The following PTER variants were observed in gnomAD, a reference collection of about 807,000 sequenced individuals.
PTER encodes the protein phosphotriesterase related.
PTER carries 38 observed loss-of-function variants against 29.6 expected under a neutral mutation model. The ratio of observed to expected loss-of-function variants is 1.28; its 90% CI spans 0.99 to 1.68. The LOEUF (loss-of-function observed/expected upper bound fraction) is 1.68. Ranked by LOEUF, PTER falls within the 40% of genes most tolerant of loss-of-function variation. PTER has a pLI of 0.00. For missense variants in PTER, 482 were observed against 427.8 expected (o/e 1.13, Z -1.12); for synonymous variants, 172 against 154.5 (o/e 1.11, Z -0.84).
Position 16,471,194 on chromosome 10 carries a change from A to G in PTER, c.-48-13143A>G, listed in dbSNP as rs555083856. The stretch of plus-strand genomic sequence containing the variant: ...AATTTGATCTGAAATATTGCGCAGG[A>G]ACAATATCAAGTCTCAGGCAAGACA... On this transcript the variant is annotated intron_variant, in intron 1 of 4. Coordinates refer to ENST00000535784, the MANE Select transcript of PTER (RefSeq NM_001261836.2). Among the ~76,000 whole-genome samples the G allele has an allele frequency of 8.5e-5, 13 of 152,346 alleles. No individual in the cohort carries two copies. In the South Asian group the frequency reaches 2.3e-3, roughly 27 times the overall value.
rs1438140833 is a variant in PTER at position 16,513,024 on chromosome 10, G to C, written c.*1768G>C. ...GAGAAAAAAGAAAAAAAAATTGATA[G>C]CTCAAATGCATGTAATTCATAAACA... On this transcript the variant is annotated 3_prime_UTR_variant, in exon 5 of 5. Transcript: ENST00000535784. 6.6e-6 allele frequency: 1 copy of C among 152,406 alleles called. No homozygotes were observed. The highest frequency in any genetic ancestry group is 1.5e-5 in the Non-Finnish European group (1 of 67,962). The allele number at this position is 152,406 out of a possible 1,614,324, so 9.4% of individuals were successfully genotyped here.
At chr10:16,444,408 AG>A (rs1384303970) in intron 1 of PTER, among the ~76,000 whole-genome samples, 1 of 149,938 alleles carries the variant, frequency 6.7e-6, no homozygotes, top group Non-Finnish European at 1.5e-5. Context: ...GCTGGATTAC[AG>A]GTGCTCAATA....
intron 1 of PTER, among the ~76,000 whole-genome samples, chr10:16,450,635 C>T (rs138575194): frequency 4.1e-4 from 62 of 152,290 alleles, no homozygotes; most frequent in African/African-American, 1.4e-3. Flanking sequence ...TGATTTTCCA[C>T]AATTTCAGCC....
intron 1 of PTER, among the ~76,000 whole-genome samples, chr10:16,476,902 T>TCTC (rs752273201): frequency 6.0e-5 from 7 of 116,236 alleles, no homozygotes; most frequent in South Asian, 2.5e-4. Flanking sequence ...CCTAGAATTC[T>TCTC]TTTTTTTTTT....
rs1378277194 is a variant in PTER at position 16,484,653 on chromosome 10, A to G, written c.269A>G (p.Asn90Ser). 1.2e-6 allele frequency: 2 copies of G among 1,614,176 alleles called. No individual in the cohort carries two copies. Among genetic ancestry groups the G allele is most frequent in the South Asian group, 2.2e-5 (2 of 91,076 alleles). ...GAAGAACTGTTGTATTTTAAAGCTAATGGTGGAGGGGCTTTGGTGGAAAAC... is the reference window on the plus strand; with the variant it reads ...GAAGAACTGTTGTATTTTAAAGCTAGTGGTGGAGGGGCTTTGGTGGAAAAC... ...IKEELLYFKANGGGALVENTT... is the reference protein window; with the variant it reads ...IKEELLYFKASGGGALVENTT... The change falls in exon 2 of 5, where the codon AAT (asparagine) becomes AGT (serine). Residue 90 changes from asparagine to serine, a missense_variant. By Grantham distance (46) the Asn-to-Ser change is conservative (BLOSUM62 1). Coordinates refer to ENST00000535784, the MANE Select transcript of PTER (RefSeq NM_001261836.2).
At chr10:16,489,689 T>C (rs1042471801) in intron 3 of PTER, among the ~76,000 whole-genome samples, 2 of 152,204 alleles carry the variant, frequency 1.3e-5, no homozygotes, top group Non-Finnish European at 2.9e-5. Flanking sequence ...CATTTTGAAA[T>C]GTACAGTTCA....
At chr10:16,451,963 T>A (rs1477031982) in intron 1 of PTER, among the ~76,000 whole-genome samples, 3 of 152,180 alleles carry the variant, frequency 2.0e-5, no homozygotes, top group Admixed American at 6.5e-5. Context: ...TTCCAGAGTG[T>A]TGGCTATGCC....
Position 16,484,415 on chromosome 10 carries a change from GT to G in PTER, c.35del (p.Leu12TrpfsTer4). On this transcript the variant is annotated frameshift_variant, in exon 2 of 5. Transcript: ENST00000535784. LOFTEE classifies it high-confidence loss of function. ...TTCCTTAAGTGGAAAAGTCCAAACC[GT>G]TTTGGGCCTTGTAGAGCCAAGCAAA... is the stretch of plus-strand genomic sequence containing the variant. MSSLSGKVQT[V>X]LGLVEPSKLG... The G allele has an allele frequency of 6.2e-7, 1 of 1,607,532 alleles. No individual in the cohort carries two copies. Among genetic ancestry groups the G allele is most frequent in the Non-Finnish European group, 8.5e-7 (1 of 1,178,390 alleles).
intron 4 of PTER, among the ~76,000 whole-genome samples, chr10:16,509,083 C>T (rs1423631102): frequency 6.6e-6 from 1 of 152,190 alleles, no homozygotes; most frequent in Non-Finnish European, 1.5e-5. Context: ...TGTTTGCAAA[C>T]ACTAACTCAT....
At position 16,512,529 on chromosome 10, in the gene PTER, TCAGACC is replaced by T. The variant is rs1836853677; in HGVS notation, c.*1277_*1282del. On this transcript the variant is annotated 3_prime_UTR_variant, in exon 5 of 5. Transcript: ENST00000535784. ...TAATCATAAAAATCATGACAGTTACTCAGACCCAGGCATTTCAACAGAGCTAACACC... is the reference window on the plus strand; with the variant it reads ...TAATCATAAAAATCATGACAGTTACTCAGGCATTTCAACAGAGCTAACACC... 1 of 152,124 alleles carries T rather than the reference TCAGACC, an allele frequency of 6.6e-6. No individual in the cohort carries two copies. Among genetic ancestry groups the T allele is most frequent in the Non-Finnish European group, 1.5e-5 (1 of 67,976 alleles). The allele number at this position is 152,124 out of a possible 1,614,324, so 9.4% of individuals were successfully genotyped here. A position where few individuals can be genotyped will look rare whatever the true frequency, so the allele number is the denominator to read the frequency against.
chr10:16,495,992 C>G (rs1211038829), intron 3 of PTER, among the ~76,000 whole-genome samples: 1 of 152,174 alleles, frequency 6.6e-6, no homozygotes, highest in Non-Finnish European at 1.5e-5. Context: ...TGTGATTCTC[C>G]TCCTGCGTGG....
At chr10:16,491,673 A>C (rs976160186) in intron 3 of PTER, among the ~76,000 whole-genome samples, 5 of 152,276 alleles carry the variant, frequency 3.3e-5, no homozygotes, top group Non-Finnish European at 4.4e-5. Context: ...AAAACCAAAA[A>C]AAAAGATCTG....
chr10:16,508,409 G>A (rs1051086264), intron 4 of PTER, among the ~76,000 whole-genome samples: 2 of 151,952 alleles, frequency 1.3e-5, no homozygotes, highest in Non-Finnish European at 2.9e-5. Context: ...TGGGAACTTT[G>A]CACTCTGGAT....
At chr10:16,473,097 CG>C (rs2133421202) in intron 1 of PTER, among the ~76,000 whole-genome samples, 1 of 151,434 alleles carries the variant, frequency 6.6e-6, no homozygotes, top group Admixed American at 6.6e-5. Flanking sequence ...TGGAATAAAC[CG>C]TTTGGCTCTT....
At chr10:16,462,585 T>G (rs928198149) in intron 1 of PTER, among the ~76,000 whole-genome samples, 5 of 150,928 alleles carry the variant, frequency 3.3e-5, no homozygotes, top group Admixed American at 6.6e-5. Flanking sequence ...TTTTTTTTTT[T>G]TTTGAGACAG....
intron 3 of PTER, among the ~76,000 whole-genome samples, chr10:16,500,714 C>G (rs1175276070): frequency 6.6e-6 from 1 of 152,028 alleles, no homozygotes; most frequent in East Asian, 1.9e-4. Flanking sequence ...TCCCTACAGT[C>G]CCTATTCATC....
chr10:16,473,323 A>G (rs925856338), intron 1 of PTER, among the ~76,000 whole-genome samples: 6 of 152,098 alleles, frequency 3.9e-5, no homozygotes, highest in Non-Finnish European at 5.9e-5. Flanking sequence ...GTGGAACCTC[A>G]TGATATATTC....
intron 1 of PTER, among the ~76,000 whole-genome samples, chr10:16,440,482 C>G (rs10795395): frequency 0.58 from 88,040 of 152,126 alleles, 26,787 homozygotes; most frequent in African/African-American, 0.77. Flanking sequence ...GTGGTTGTAC[C>G]TATTTTGTCA....
chr10:16,506,895 T>G (rs1242875008), intron 4 of PTER, among the ~76,000 whole-genome samples: 1 of 152,022 alleles, frequency 6.6e-6, no homozygotes, highest in Admixed American at 6.6e-5. Context: ...CTAGAAATCA[T>G]GATTGCATGC....
Sources: allele counts gnomAD v4.1 joint callset (sites outside exome capture counted in the v4.1 genomes callset), GRCh38; gene constraint gnomAD v4.1.1; transcripts MANE v1.5; gene names NCBI Gene and HGNC (gene_info 2026-07-23, HGNC 2026-07-21).